Variants in UGGT2 observed in about 807,000 individuals in gnomAD.
UGGT2 encodes the protein UDP-glucose:glycoprotein glucosyltransferase 2.
UGGT2 carries 180 observed loss-of-function variants against 192.1 expected under a neutral mutation model. The observed-to-expected ratio is 0.94, with a 90% confidence interval of 0.83 to 1.06. The LOEUF (loss-of-function observed/expected upper bound fraction) is 1.06, where lower values mean the gene tolerates loss of function less well. UGGT2 is among the 50% of genes least tolerant of loss of function. The pLI is 0.00. For missense variants in UGGT2, 1,849 were observed against 1,795.7 expected, an observed-to-expected ratio of 1.03 and a Z score of -0.54; for synonymous variants, 580 against 591.0, an observed-to-expected ratio of 0.98 and a Z score of 0.27.
intron 5 of UGGT2, among the ~76,000 whole-genome samples, chr13:96,004,329 C>A (rs1326566169): frequency 6.6e-6 from 1 of 151,998 alleles, no homozygotes; most frequent in Non-Finnish European, 1.5e-5. Context: ...ATATCTATCA[C>A]CTCAAACATT....
At chr13:95,969,386 A>G (rs1386137760) in intron 12 of UGGT2, among the ~76,000 whole-genome samples, 1 of 152,224 alleles carries the variant, frequency 6.6e-6, no homozygotes, top group Non-Finnish European at 1.5e-5. Context: ...TCCTTCTAGC[A>G]AATCACTGGA....
intron 38 of UGGT2, among the ~76,000 whole-genome samples, chr13:95,819,632 G>A (rs753383891): frequency 7.2e-5 from 11 of 152,068 alleles, no homozygotes; most frequent in Non-Finnish European, 1.5e-4. Context: ...AGGCCACAAA[G>A]AAAACAACAA....
chr13:95,917,648 A>G (rs2048721339), intron 20 of UGGT2, among the ~76,000 whole-genome samples: 1 of 152,186 alleles, frequency 6.6e-6, no homozygotes, highest in Non-Finnish European at 1.5e-5. Flanking sequence ...ACCCATCAAC[A>G]CGCTGTCTTC....
chr13:95,818,983 G>C (rs1169282789), intron 38 of UGGT2, among the ~76,000 whole-genome samples: 1 of 151,956 alleles, frequency 6.6e-6, no homozygotes, highest in Non-Finnish European at 1.5e-5. Flanking sequence ...ACCTTCCCTA[G>C]GATCCTCCTG....
At chr13:95,812,633 G>A (rs973037044) in intron 38 of UGGT2, among the ~76,000 whole-genome samples, 2 of 151,966 alleles carry the variant, frequency 1.3e-5, no homozygotes, top group Non-Finnish European at 2.9e-5. Flanking sequence ...AATGCTGGAG[G>A]TGGGGGCTTG....
At chr13:95,902,650 T>C (rs1339938787) in intron 21 of UGGT2, among the ~76,000 whole-genome samples, 2 of 152,038 alleles carry the variant, frequency 1.3e-5, no homozygotes, top group African/African-American at 4.8e-5. Context: ...AAGTAGTTAA[T>C]GAAACATATG....
chr13:95,903,140 G>C (rs2048161618), intron 20 of UGGT2, 80 bp from the exon 21 acceptor site: 3 of 1,378,182 alleles, frequency 2.2e-6, no homozygotes, highest in East Asian at 2.4e-5. Flanking sequence ...TTCCCATCCA[G>C]TTTGTTCACT....
chr13:96,023,623 AC>A lies in UGGT2; in HGVS notation c.372+5del, dbSNP rs1424715902. 1.2e-6 allele frequency: 2 copies of A among 1,603,030 alleles called. No individual in the cohort carries two copies. Among genetic ancestry groups the A allele is most frequent in the African/African-American group, 2.7e-5 (2 of 74,518 alleles). ...TGTCAAATACAGATTGGGTATTTTT[AC>A]GCACCTGCTGAAACATCTGAATAGC... On this transcript the variant is annotated splice_donor_5th_base_variant and intron_variant, in intron 3 of 38. Coordinates refer to ENST00000376747, the MANE Select transcript of UGGT2 (RefSeq NM_020121.4).
intron 27 of UGGT2, among the ~76,000 whole-genome samples, chr13:95,881,653 G>C (rs926060209): frequency 7.2e-5 from 11 of 152,096 alleles, no homozygotes; most frequent in Non-Finnish European, 1.0e-4. Context: ...GCATTTTTCT[G>C]TGAATTCACT....
At chr13:95,909,358 T>C (rs978223108) in intron 20 of UGGT2, among the ~76,000 whole-genome samples, 3 of 151,646 alleles carry the variant, frequency 2.0e-5, no homozygotes, top group Admixed American at 6.6e-5. Context: ...AACCCAAATG[T>C]CCAACAATGA....
chr13:95,972,684 C>A lies in UGGT2; in HGVS notation c.1093-13G>T. 6.3e-7 allele frequency: 1 copy of A among 1,597,052 alleles called. No individual in the cohort carries two copies. The highest frequency in any genetic ancestry group is 8.6e-7 in the Non-Finnish European group (1 of 1,165,238). On this transcript the variant is annotated splice_polypyrimidine_tract_variant and intron_variant, in intron 10 of 38. Coordinates refer to ENST00000376747, the MANE Select transcript of UGGT2 (RefSeq NM_020121.4). ...TAACTTGAAGATCCTTGAAGTAGAG[C>A]AAAGCAATAGTTAACCAGTGATAGA...
At chr13:95,942,221 G>GGTGTGTGTGTGTGTGTGTGTGTGT (rs370041064) in intron 15 of UGGT2, among the ~76,000 whole-genome samples, 4 of 117,992 alleles carry the variant, frequency 3.4e-5, no homozygotes. Flanking sequence ...TTAGGGTGAG[G>GGTGTGTGTGTGTGTGTGTGTGTGT]GTGTGTGTGT....
chr13:95,806,781 G>A (rs1453183553), intron 38 of UGGT2, among the ~76,000 whole-genome samples: 1 of 152,050 alleles, frequency 6.6e-6, no homozygotes, highest in Non-Finnish European at 1.5e-5. Flanking sequence ...ACCATTCAAT[G>A]GGGAAATGAC....
At chr13:95,827,771 C>T (rs1886196407) in intron 38 of UGGT2, among the ~76,000 whole-genome samples, 1 of 152,150 alleles carries the variant, frequency 6.6e-6, no homozygotes, top group Non-Finnish European at 1.5e-5. Context: ...CTGAAAGTTA[C>T]TTAGCACTAG....
intron 9 of UGGT2, chr13:95,985,379 C>CA (rs749684148): frequency 4.9e-6 from 4 of 812,984 alleles, no homozygotes; most frequent in Admixed American, 3.2e-5. Context: ...AAGGTACCAC[C>CA]AAAAAATCCT....
intron 1 of UGGT2, among the ~76,000 whole-genome samples, chr13:96,033,766 C>T (rs1240633900): frequency 6.6e-6 from 1 of 152,202 alleles, no homozygotes; most frequent in Non-Finnish European, 1.5e-5. Flanking sequence ...ACCACCTCAG[C>T]CCCCTCCAGA....
At chr13:95,803,332 C>A (rs1288503063) in intron 38 of UGGT2, among the ~76,000 whole-genome samples, 2 of 151,942 alleles carry the variant, frequency 1.3e-5, no homozygotes, top group Non-Finnish European at 2.9e-5. Context: ...GTGATCTCAG[C>A]TCACCGCAAC....
At chr13:95,856,803 T>C in intron 33 of UGGT2, 1 of 232,112 alleles carries the variant, frequency 4.3e-6, no homozygotes, top group Non-Finnish European at 8.6e-6. Flanking sequence ...TTAGATTCTA[T>C]ACAGGAGCTT....
At position 95,940,103 on chromosome 13, in the gene UGGT2, T is replaced by C. The variant is rs1321817045; in HGVS notation, c.1678-12A>G. 7.0e-7 allele frequency: 1 copy of C among 1,427,916 alleles called. No homozygotes were observed. Among genetic ancestry groups the C allele is most frequent in the East Asian group, 2.6e-5 (1 of 39,012 alleles). The allele number at this position is 1,427,916 out of a possible 1,614,324, so 88.5% of individuals were successfully genotyped here. On this transcript the variant is annotated splice_polypyrimidine_tract_variant and intron_variant, in intron 15 of 38. Transcript: ENST00000376747. ...ACTTTTTGGTACATCTGTGAAAATT[T>C]AGATATTATAATTAATTTTCTTCTT... is the stretch of plus-strand genomic sequence containing the variant.
Sources: allele counts gnomAD v4.1 joint callset (sites outside exome capture counted in the v4.1 genomes callset), GRCh38; gene constraint gnomAD v4.1.1; transcripts MANE v1.5; gene names NCBI Gene and HGNC (gene_info 2026-07-23, HGNC 2026-07-21).